Variants in NRG3 observed in about 807,000 individuals in gnomAD.
The protein encoded by NRG3 is neuregulin 3.
In NRG3, 31 loss-of-function variants were observed where a neutral mutation model predicts 66.9. That is an observed-to-expected ratio of 0.46 (90% CI 0.35 to 0.63). The LOEUF (loss-of-function observed/expected upper bound fraction) is 0.63. NRG3 is among the 20% of genes least tolerant of loss of function. The probability of loss-of-function intolerance (pLI) is 0.00; values close to 1 mark genes in which losing one functional copy is unlikely to be tolerated. For missense variants in NRG3, 910 were observed against 878.9 expected (o/e 1.04, Z -0.45); for synonymous variants, 393 against 359.4 (o/e 1.09, Z -1.06).
intron 2 of NRG3, among the ~76,000 whole-genome samples, chr10:82,429,483 A>AC (rs1474985226): frequency 6.6e-6 from 1 of 152,036 alleles, no homozygotes; most frequent in Non-Finnish European, 1.5e-5. Flanking sequence ...TTTCTAATGA[A>AC]TAGTTAGCTG....
At chr10:82,967,660 C>G (rs1011836156) in intron 6 of NRG3, among the ~76,000 whole-genome samples, 4 of 152,166 alleles carry the variant, frequency 2.6e-5, no homozygotes, top group Non-Finnish European at 5.9e-5. Flanking sequence ...TGGGGAAGTG[C>G]CTTCTTTCTG....
intron 6 of NRG3, among the ~76,000 whole-genome samples, chr10:82,963,674 C>T (rs181612332): frequency 1.3e-5 from 2 of 149,924 alleles, no homozygotes; most frequent in Non-Finnish European, 1.5e-5. Context: ...AGCGAGACAA[C>T]GTCTCAAAAA....
chr10:82,066,295 T>G (rs1327880198), intron 1 of NRG3, among the ~76,000 whole-genome samples: 1 of 152,188 alleles, frequency 6.6e-6, no homozygotes, highest in Non-Finnish European at 1.5e-5. Flanking sequence ...CTACACATAT[T>G]CATATGTATT....
chr10:82,063,815 C>T (rs1315511294), intron 1 of NRG3, among the ~76,000 whole-genome samples: 1 of 152,174 alleles, frequency 6.6e-6, no homozygotes, highest in Non-Finnish European at 1.5e-5. Flanking sequence ...GCAAGTCCCT[C>T]CCACCATCGT....
At chr10:82,720,294 G>A (rs1246100537) in intron 2 of NRG3, among the ~76,000 whole-genome samples, 3 of 152,030 alleles carry the variant, frequency 2.0e-5, no homozygotes, top group African/African-American at 4.8e-5. Context: ...GGAGGCTGAG[G>A]CAGGAGAATC....
chr10:82,676,562 C>A (rs1331787225), intron 2 of NRG3, among the ~76,000 whole-genome samples: 1 of 152,084 alleles, frequency 6.6e-6, no homozygotes, highest in Non-Finnish European at 1.5e-5. Flanking sequence ...TGGCTCACTG[C>A]AACCTTCACC....
In NRG3 at chr10:82,471,677, G is replaced by A. The variant is rs576379732; in HGVS notation, c.953+112809G>A. Among the ~76,000 whole-genome samples, 4 of 152,216 alleles carry A rather than the reference G, an allele frequency of 2.6e-5. No individual in the cohort carries two copies. In the East Asian group the frequency reaches 5.8e-4, roughly 22 times the overall value. On this transcript the variant is annotated intron_variant, in intron 2 of 8. Coordinates refer to ENST00000372141, the MANE Select transcript of NRG3 (RefSeq NM_001010848.4). ...TGTAATCCCAGCACTTTGGGAGCCC[G>A]AGGCAGGCAGATCACAAGTTCAAGA...
intron 1 of NRG3, among the ~76,000 whole-genome samples, chr10:82,174,695 G>C (rs2133147266): frequency 6.6e-6 from 1 of 152,070 alleles, no homozygotes; most frequent in Non-Finnish European, 1.5e-5. Flanking sequence ...CCAGAAGACA[G>C]GATCTCCACT....
At chr10:82,557,668 A>G (rs953277072) in intron 2 of NRG3, among the ~76,000 whole-genome samples, 1 of 152,080 alleles carries the variant, frequency 6.6e-6, no homozygotes. Flanking sequence ...TTTCTTGATC[A>G]TGAGCCTGAC....
intron 1 of NRG3, among the ~76,000 whole-genome samples, chr10:82,319,544 G>C (rs182175436): frequency 9.2e-5 from 14 of 152,260 alleles, no homozygotes; most frequent in African/African-American, 3.1e-4. Context: ...CTTGTTCTTT[G>C]AATGCCTAAT....
intron 1 of NRG3, among the ~76,000 whole-genome samples, chr10:82,159,038 G>T (rs1238257796): frequency 6.6e-6 from 1 of 151,490 alleles, no homozygotes; most frequent in African/African-American, 2.4e-5. Context: ...TTTTTTAGTA[G>T]GCTTCAAATT....
intron 6 of NRG3, among the ~76,000 whole-genome samples, chr10:82,966,447 G>T (rs190308356): frequency 3.9e-5 from 6 of 152,030 alleles, no homozygotes; most frequent in African/African-American, 1.5e-4. Flanking sequence ...TTTTTAAAGT[G>T]CCATTTTTAT....
intron 1 of NRG3, among the ~76,000 whole-genome samples, chr10:81,996,700 GGAGAGAAAAGAAAGGGA>G (rs2060952230): frequency 6.6e-6 from 1 of 151,834 alleles, no homozygotes; most frequent in Non-Finnish European, 1.5e-5. Flanking sequence ...GGAGGAGGCA[GGAGAGAAAAGAAAGGGA>G]GAGAGAAAGG....
intron 1 of NRG3, among the ~76,000 whole-genome samples, chr10:82,187,167 C>T (rs1249206849): frequency 6.6e-6 from 1 of 152,050 alleles, no homozygotes; most frequent in Non-Finnish European, 1.5e-5. Flanking sequence ...AGATGATAAG[C>T]ATTCCTTAGA....
At chr10:82,144,975 C>T (rs1237793201) in intron 1 of NRG3, among the ~76,000 whole-genome samples, 1 of 152,176 alleles carries the variant, frequency 6.6e-6, no homozygotes, top group African/African-American at 2.4e-5. Context: ...CCATCTTTCC[C>T]ATCCCACTTT....
chr10:82,433,861 A>G (rs911111311), intron 2 of NRG3, among the ~76,000 whole-genome samples: 2 of 152,130 alleles, frequency 1.3e-5, no homozygotes, highest in African/African-American at 4.8e-5. Flanking sequence ...GTCTTGTAGT[A>G]TAGTTTGAAG....
chr10:82,527,143 G>A (rs1846782497), intron 2 of NRG3, among the ~76,000 whole-genome samples: 1 of 151,768 alleles, frequency 6.6e-6, no homozygotes, highest in Non-Finnish European at 1.5e-5. Flanking sequence ...ACCAATAGGA[G>A]CATGGATAAA....
intron 3 of NRG3, among the ~76,000 whole-genome samples, chr10:82,809,519 T>C (rs1281924911): frequency 6.6e-6 from 1 of 152,148 alleles, no homozygotes; most frequent in Non-Finnish European, 1.5e-5. Flanking sequence ...CCTAAGTTTG[T>C]AACTATGTCC....
At chr10:82,305,028 T>C (rs1482308308) in intron 1 of NRG3, among the ~76,000 whole-genome samples, 1 of 125,596 alleles carries the variant, frequency 8.0e-6, no homozygotes, top group Non-Finnish European at 1.6e-5. Context: ...AGAGTCTCCC[T>C]CTGTCGCCCA....
Sources: gnomAD v4.1 joint callset for allele counts (sites outside exome capture counted in the v4.1 genomes callset) on GRCh38, gnomAD v4.1.1 for gene constraint, MANE v1.5 for transcripts, NCBI Gene and HGNC (gene_info 2026-07-23, HGNC 2026-07-21) for gene names.